The following FAM13A variants were observed in gnomAD, a reference collection of about 807,000 sequenced individuals.
FAM13A encodes family with sequence similarity 13 member A.
FAM13A carries 76 observed loss-of-function variants against 129.6 expected under a neutral mutation model. The ratio of observed to expected loss-of-function variants is 0.59; its 90% CI spans 0.49 to 0.71. FAM13A has a LOEUF of 0.71. Ranked by LOEUF, FAM13A falls within the 30% of genes least tolerant of loss-of-function variation. The pLI, the probability that FAM13A is intolerant of heterozygous loss-of-function variation, is 0.00. For missense variants in FAM13A, 1,108 were observed against 1,249.3 expected, an observed-to-expected ratio of 0.89 and a Z score of 1.70; for synonymous variants, 443 against 449.9, an observed-to-expected ratio of 0.98 and a Z score of 0.20.
intron 5 of FAM13A, among the ~76,000 whole-genome samples, chr4:88,907,565 T>C (rs1748369100): frequency 6.6e-6 from 1 of 152,246 alleles, no homozygotes; most frequent in Non-Finnish European, 1.5e-5. Flanking sequence ...TTATGATGTA[T>C]TGGGCGTTGC....
At chr4:88,920,084 GCCTGCCTGCCTCTGTAGGCTCCA>G (rs1750782016) in intron 5 of FAM13A, among the ~76,000 whole-genome samples, 1 of 152,342 alleles carries the variant, frequency 6.6e-6, no homozygotes, top group East Asian at 1.9e-4. Context: ...GCTCAAGGAG[GCCTGCCTGCCTCTGTAGGCTCCA>G]CCTCTGGGGG....
At chr4:88,852,345 A>G in intron 6 of FAM13A, among the ~76,000 whole-genome samples, 1 of 151,980 alleles carries the variant, frequency 6.6e-6, no homozygotes, top group East Asian at 1.9e-4. Flanking sequence ...TATTTTTTGT[A>G]GGGATGTGGT....
chr4:88,815,342 C>T (rs1730521569), intron 7 of FAM13A, among the ~76,000 whole-genome samples: 1 of 152,126 alleles, frequency 6.6e-6, no homozygotes, highest in Non-Finnish European at 1.5e-5. Context: ...CCCACTATTT[C>T]CCATTAACAT....
intron 4 of FAM13A, among the ~76,000 whole-genome samples, chr4:88,974,713 T>C (rs1473588539): frequency 6.6e-6 from 1 of 151,996 alleles, no homozygotes; most frequent in Non-Finnish European, 1.5e-5. Flanking sequence ...GGGAAACTAG[T>C]TAAGAAGTTA....
At chr4:88,829,494 C>G (rs1040164429) in intron 7 of FAM13A, among the ~76,000 whole-genome samples, 8 of 152,138 alleles carry the variant, frequency 5.3e-5, no homozygotes. Context: ...GAGCAATGCC[C>G]TCCAAAAGAT....
chr4:88,741,865 C>G (rs1264595273), intron 19 of FAM13A, among the ~76,000 whole-genome samples: 1 of 152,074 alleles, frequency 6.6e-6, no homozygotes, highest in Non-Finnish European at 1.5e-5. Context: ...TGTACTTCAA[C>G]AAAAGTGCAA....
At chr4:88,751,174 G>C (rs1276281477) in intron 14 of FAM13A, among the ~76,000 whole-genome samples, 1 of 152,144 alleles carries the variant, frequency 6.6e-6, no homozygotes, top group African/African-American at 2.4e-5. Context: ...CCCAGGAGGT[G>C]GAGTTTGCAA....
intron 2 of FAM13A, among the ~76,000 whole-genome samples, chr4:89,029,106 C>T (rs372913095): frequency 3.3e-5 from 5 of 152,142 alleles, no homozygotes; most frequent in East Asian, 1.9e-4. Context: ...TACCCAAAAA[C>T]GTGTTTGATT....
chr4:88,883,222 T>C (rs1164213929), intron 6 of FAM13A, among the ~76,000 whole-genome samples: 2 of 152,046 alleles, frequency 1.3e-5, no homozygotes, highest in Non-Finnish European at 2.9e-5. Context: ...ATTCTATTCA[T>C]CAACACATGG....
intron 19 of FAM13A, among the ~76,000 whole-genome samples, chr4:88,745,919 A>G (rs1396052114): frequency 6.6e-6 from 1 of 151,688 alleles, no homozygotes; most frequent in South Asian, 2.1e-4. Context: ...GAGACATTCT[A>G]CAGATAGTTA....
intron 4 of FAM13A, among the ~76,000 whole-genome samples, chr4:88,982,674 T>C (rs1279094381): frequency 6.6e-6 from 1 of 152,232 alleles, no homozygotes; most frequent in Non-Finnish European, 1.5e-5. Context: ...CAATTCCTGC[T>C]AATTTCTAAG....
chr4:88,987,311 T>C (rs902979911), intron 4 of FAM13A, among the ~76,000 whole-genome samples: 2 of 152,184 alleles, frequency 1.3e-5, no homozygotes, highest in African/African-American at 2.4e-5. Context: ...GGATTTTCAA[T>C]AGACAATCAA....
At chr4:88,903,732 G>A (rs62310474) in intron 6 of FAM13A, among the ~76,000 whole-genome samples, 39,398 of 151,990 alleles carry the variant, frequency 0.26, 5,933 homozygotes, top group Middle Eastern at 0.36. Flanking sequence ...ATTTCAGGAC[G>A]AAAACACCAA....
At position 88,747,558 on chromosome 4, in the gene FAM13A, C is replaced by T. The variant is rs534774408; in HGVS notation, c.2382+73G>A. The T allele has an allele frequency of 6.3e-5, 77 of 1,217,522 alleles. No homozygotes were observed. In the East Asian group the frequency reaches 1.2e-3, roughly 19 times the overall value. 75.4% of individuals were successfully genotyped at this position (1,217,522 alleles called of 1,614,324 possible). ...GGCATCATCTTCCCACTGGGATTCA[C>T]GTGGCATGCCCTGTGTCTCTACCAC... is the stretch of plus-strand genomic sequence containing the variant. On this transcript the variant is annotated intron_variant, in intron 18 of 23. Coordinates refer to ENST00000264344, the MANE Select transcript of FAM13A (RefSeq NM_014883.4).
chr4:88,805,093 A>T (rs2149746220), intron 7 of FAM13A, 41 bp from the exon 8 acceptor site: 2 of 1,034,352 alleles, frequency 1.9e-6, no homozygotes. Context: ...AATGTCTGTT[A>T]ATATGACATG....
intron 5 of FAM13A, among the ~76,000 whole-genome samples, chr4:88,913,396 AAAG>A (rs149840901): frequency 0.12 from 17,155 of 139,280 alleles, 1,404 homozygotes; most frequent in Middle Eastern, 0.24. Context: ...GGAGGAAGAC[AAAG>A]AAGAAGAAGT....
intron 6 of FAM13A, among the ~76,000 whole-genome samples, chr4:88,892,007 T>C (rs894271324): frequency 2.0e-5 from 3 of 151,986 alleles, no homozygotes; most frequent in Non-Finnish European, 2.9e-5. Context: ...TGAGACCCTG[T>C]CTCTACAAAA....
chr4:88,878,181 A>G (rs954185978), intron 6 of FAM13A, among the ~76,000 whole-genome samples: 8 of 149,166 alleles, frequency 5.4e-5, no homozygotes, highest in Admixed American at 3.4e-4. Context: ...TCCCAGCTAC[A>G]GGAGGCTGAG....
chr4:88,876,123 C>A (rs758096121), intron 6 of FAM13A, among the ~76,000 whole-genome samples: 13 of 152,090 alleles, frequency 8.5e-5, no homozygotes, highest in Non-Finnish European at 1.8e-4. Context: ...GGGGAACATC[C>A]CACACCAGGG....
Sources: allele counts gnomAD v4.1 joint callset (sites outside exome capture counted in the v4.1 genomes callset), GRCh38; gene constraint gnomAD v4.1.1; transcripts MANE v1.5; gene names NCBI Gene and HGNC (gene_info 2026-07-23, HGNC 2026-07-21).